ROR1: variants seen among roughly 807,000 people sequenced by gnomAD.
ROR1 encodes inactive tyrosine-protein kinase transmembrane receptor ROR1.
In ROR1, 19 loss-of-function variants were observed where a neutral mutation model predicts 78.8. That is an observed-to-expected ratio of 0.24 (90% CI 0.17 to 0.35). The LOEUF is 0.35. Ranked by LOEUF, ROR1 falls within the 10% of genes least tolerant of loss-of-function variation. ROR1 has a pLI of 1.00. For synonymous variants in ROR1, 386 were observed against 433.6 expected (o/e 0.89, Z 1.36); for missense variants, 917 against 1,177.8 (o/e 0.78, Z 3.24).
At chr1:64,052,128 T>A (rs1646837972) in intron 4 of ROR1, among the ~76,000 whole-genome samples, 1 of 151,980 alleles carries the variant, frequency 6.6e-6, no homozygotes, top group Non-Finnish European at 1.5e-5. Flanking sequence ...TGCTGATTGA[T>A]CTTAAAACAG....
chr1:63,836,661 T>G (rs182317720), intron 1 of ROR1, among the ~76,000 whole-genome samples: 1 of 152,334 alleles, frequency 6.6e-6, no homozygotes, highest in East Asian at 1.9e-4. Flanking sequence ...TAATCAGACC[T>G]AAAATTAATT....
chr1:63,780,425 A>C (rs1021979994), intron 1 of ROR1, among the ~76,000 whole-genome samples: 1 of 152,190 alleles, frequency 6.6e-6, no homozygotes, highest in East Asian at 1.9e-4. Context: ...GGGAATAACA[A>C]TAATATGTGG....
At chr1:64,170,203 G>T (rs1042449608) in intron 8 of ROR1, among the ~76,000 whole-genome samples, 4 of 152,164 alleles carry the variant, frequency 2.6e-5, no homozygotes, top group African/African-American at 9.7e-5. Context: ...CTCCATGAGG[G>T]CCTCACCCCT....
intron 1 of ROR1, among the ~76,000 whole-genome samples, chr1:63,821,221 A>G (rs1031840299): frequency 6.6e-6 from 1 of 152,152 alleles, no homozygotes; most frequent in African/African-American, 2.4e-5. Context: ...TTCATTGATG[A>G]GCTTCAGAAA....
intron 7 of ROR1, among the ~76,000 whole-genome samples, chr1:64,156,880 T>C (rs1437014535): frequency 6.6e-6 from 1 of 152,114 alleles, no homozygotes; most frequent in Non-Finnish European, 1.5e-5. Flanking sequence ...TGAAGTGTAG[T>C]AGCTAGAATG....
At chr1:63,784,999 G>T (rs914496789) in intron 1 of ROR1, among the ~76,000 whole-genome samples, 1 of 152,154 alleles carries the variant, frequency 6.6e-6, no homozygotes, top group African/African-American at 2.4e-5. Context: ...GTTTCTCAAG[G>T]GCAGGGACTT....
chr1:63,874,625 C>G (rs1406256581), intron 1 of ROR1, among the ~76,000 whole-genome samples: 1 of 152,114 alleles, frequency 6.6e-6, no homozygotes, highest in Non-Finnish European at 1.5e-5. Context: ...AGCATTTTCT[C>G]CATTTGACAC....
intron 4 of ROR1, among the ~76,000 whole-genome samples, chr1:64,071,162 C>T (rs1349122379): frequency 6.6e-6 from 1 of 152,112 alleles, no homozygotes; most frequent in Non-Finnish European, 1.5e-5. Context: ...AGGAGCTACG[C>T]GTTACTTAGC....
chr1:63,880,446 G>A (rs1214568102), intron 1 of ROR1, among the ~76,000 whole-genome samples: 1 of 152,192 alleles, frequency 6.6e-6, no homozygotes, highest in African/African-American at 2.4e-5. Context: ...TACAAGGAGA[G>A]AGAACCACAA....
chr1:64,005,839 A>C lies in ROR1; in HGVS notation c.92-3466A>C, dbSNP rs898104067. Among the ~76,000 whole-genome samples, 9 of 152,140 alleles carry C rather than the reference A, an allele frequency of 5.9e-5. No individual in the cohort carries two copies. In the East Asian group the frequency reaches 1.5e-3, roughly 26 times the overall value. On this transcript the variant is annotated intron_variant, in intron 1 of 8. Transcript: ENST00000371079. ...AGTTATTCATATTTTAAAATATTTTATCTGTTTTTATTATCATTTTATCTG... is the reference window on the plus strand; with the variant it reads ...AGTTATTCATATTTTAAAATATTTTCTCTGTTTTTATTATCATTTTATCTG...
At chr1:64,037,661 T>C (rs534074101) in intron 2 of ROR1, among the ~76,000 whole-genome samples, 1 of 152,256 alleles carries the variant, frequency 6.6e-6, no homozygotes. Context: ...AGTTGACATT[T>C]ATTGAATAGG....
chr1:63,979,735 A>G, intron 1 of ROR1, among the ~76,000 whole-genome samples: 1 of 152,220 alleles, frequency 6.6e-6, no homozygotes, highest in East Asian at 1.9e-4. Context: ...TGGCCTGGAA[A>G]GGGCACATGA....
chr1:64,155,094 A>G (rs1022491149), intron 7 of ROR1, among the ~76,000 whole-genome samples: 3 of 152,088 alleles, frequency 2.0e-5, no homozygotes, highest in Non-Finnish European at 4.4e-5. Flanking sequence ...TTGCATTCCA[A>G]CCCAGACTTT....
intron 2 of ROR1, among the ~76,000 whole-genome samples, chr1:64,022,623 C>T (rs893414943): frequency 6.6e-6 from 1 of 152,196 alleles, no homozygotes; most frequent in African/African-American, 2.4e-5. Context: ...CACTAAACCT[C>T]TCTGGACTTC....
chr1:63,889,062 A>G (rs1256033086), intron 1 of ROR1, among the ~76,000 whole-genome samples: 2 of 152,194 alleles, frequency 1.3e-5, no homozygotes, highest in Non-Finnish European at 1.5e-5. Flanking sequence ...TTCTGCTTCC[A>G]GGCTCACTCA....
chr1:64,149,361 T>G (rs1649559552), intron 7 of ROR1, among the ~76,000 whole-genome samples: 1 of 152,188 alleles, frequency 6.6e-6, no homozygotes, highest in Non-Finnish European at 1.5e-5. Flanking sequence ...GTCCTGATTA[T>G]TTCAGAGGAA....
In ROR1 at chr1:64,004,585, A is replaced by G. The variant is rs181283636; in HGVS notation, c.92-4720A>G. ...GGCCGCTGGTCTTGTGAGTATGCGC[A>G]TGCCTGTGTAACCTCACGCATCACT... On this transcript the variant is annotated intron_variant, in intron 1 of 8. Coordinates refer to ENST00000371079, the MANE Select transcript of ROR1 (RefSeq NM_005012.4). 2.5e-4 allele frequency among the ~76,000 whole-genome samples: 38 copies of G among 152,314 alleles called. No homozygotes were observed. In the East Asian group the frequency reaches 7.2e-3, roughly 29 times the overall value.
chr1:64,101,070 G>A (rs1266875005), intron 4 of ROR1, among the ~76,000 whole-genome samples: 1 of 152,186 alleles, frequency 6.6e-6, no homozygotes, highest in Non-Finnish European at 1.5e-5. Context: ...CAGGGTCACA[G>A]ATGAAATCAT....
intron 1 of ROR1, among the ~76,000 whole-genome samples, chr1:63,983,523 C>T (rs1455053376): frequency 6.6e-6 from 1 of 152,100 alleles, no homozygotes; most frequent in East Asian, 1.9e-4. Context: ...GTTACTCAGC[C>T]CACTTAGGGC....
Sources: gnomAD v4.1 joint callset for allele counts (sites outside exome capture counted in the v4.1 genomes callset) on GRCh38, gnomAD v4.1.1 for gene constraint, MANE v1.5 for transcripts, NCBI Gene and HGNC (gene_info 2026-07-23, HGNC 2026-07-21) for gene names.